C17orf75: variants seen among roughly 807,000 people sequenced by gnomAD.
The protein encoded by C17orf75 is protein Njmu-R1.
A neutral mutation model predicts 49.6 loss-of-function variants in C17orf75; 32 were observed. That is an observed-to-expected ratio of 0.65 (90% CI 0.49 to 0.87). The LOEUF (loss-of-function observed/expected upper bound fraction) is 0.87. Among genes scored for constraint, C17orf75 ranks in the 40% least tolerant of loss-of-function variants. C17orf75 has a pLI of 0.00. For synonymous variants in C17orf75, 158 were observed against 159.5 expected, an observed-to-expected ratio of 0.99 and a Z score of 0.07; for missense variants, 428 against 473.9, an observed-to-expected ratio of 0.90 and a Z score of 0.90.
rs2041261851 is a variant in C17orf75 at position 32,330,041 on chromosome 17, C to A, written c.*1722G>T. 1 of 152,194 alleles carries A rather than the reference C, an allele frequency of 6.6e-6. No individual in the cohort carries two copies. Among genetic ancestry groups the A allele is most frequent in the Non-Finnish European group, 1.5e-5 (1 of 68,048 alleles). 9.4% of individuals were successfully genotyped at this position (152,194 alleles called of 1,614,324 possible). ...TAATTTTAGTAGAGACAGGGTTTCA[C>A]CATATTGGTCAGGCTGGTCTGGAAC... On this transcript the variant is annotated 3_prime_UTR_variant, in exon 10 of 10. Coordinates refer to ENST00000577809, the MANE Select transcript of C17orf75 (RefSeq NM_022344.4).
chr17:32,341,842 A>G, intron 1 of C17orf75, 158 bp downstream of exon 1: 4 of 1,072,192 alleles, frequency 3.7e-6, no homozygotes, highest in Non-Finnish European at 4.5e-6. Context: ...GGAGGCGAGG[A>G]GCGCCCTTCA....
At chr17:32,343,317 T>C (rs1442259075), upstream of C17orf75, among the ~76,000 whole-genome samples, 1 of 150,716 alleles carries the variant, frequency 6.6e-6, no homozygotes, top group Non-Finnish European at 1.5e-5. Flanking sequence ...TTTTTTTTTT[T>C]ATTTTTAGTA....
At chr17:32,342,234 C>A, upstream of C17orf75, 1 of 1,383,416 alleles carries the variant, frequency 7.2e-7, no homozygotes, top group South Asian at 1.6e-5. Flanking sequence ...TCCCGGCCCT[C>A]GCACACCTGC....
At chr17:32,337,420 G>A (rs779153984) in intron 5 of C17orf75, among the ~76,000 whole-genome samples, 40 of 151,712 alleles carry the variant, frequency 2.6e-4, no homozygotes, top group African/African-American at 8.5e-4. Flanking sequence ...GCCTGATCGC[G>A]CCACTGCCCT....
chr17:32,330,396 TCA>T lies in C17orf75; in HGVS notation c.*1365_*1366del, dbSNP rs1189015036. ...TTAGATCCATTTAAGAGAGGATTCC[TCA>T]GTTTTATGGGTTTGTGCTCCTCTGA... On this transcript the variant is annotated 3_prime_UTR_variant, in exon 10 of 10. Coordinates refer to ENST00000577809, the MANE Select transcript of C17orf75 (RefSeq NM_022344.4). 2 of 152,240 alleles carry T rather than the reference TCA, an allele frequency of 1.3e-5. No individual in the cohort carries two copies. The highest frequency in any genetic ancestry group is 4.8e-5 in the African/African-American group (2 of 41,464). 9.4% of individuals were successfully genotyped at this position (152,240 alleles called of 1,614,324 possible).
chr17:32,334,061 T>C (rs1199238601), intron 8 of C17orf75, among the ~76,000 whole-genome samples: 1 of 152,260 alleles, frequency 6.6e-6, no homozygotes, highest in African/African-American at 2.4e-5. Flanking sequence ...CTAAATAGTA[T>C]GTTTGAGAGC....
At chr17:32,345,262 G>A (rs1231356523), upstream of C17orf75, among the ~76,000 whole-genome samples, 1 of 151,902 alleles carries the variant, frequency 6.6e-6, no homozygotes, top group African/African-American at 2.4e-5. Context: ...CGGATCACAA[G>A]GTCAGGAGTT....
chr17:32,338,419 C>T, intron 3 of C17orf75, 68 bp from the exon 4 acceptor site: 6 of 1,451,956 alleles, frequency 4.1e-6, no homozygotes, highest in Non-Finnish European at 5.6e-6. Flanking sequence ...TTGTGGACTG[C>T]TCTGAATTCT....
intron 5 of C17orf75, among the ~76,000 whole-genome samples, chr17:32,337,275 A>G (rs1010156377): frequency 2.0e-5 from 3 of 152,186 alleles, no homozygotes; most frequent in African/African-American, 7.2e-5. Context: ...AGCCTGGGCA[A>G]CAAAGTGAGA....
At chr17:32,333,576 T>C (rs2041297117) in intron 8 of C17orf75, 56 bp from the exon 9 acceptor site, 9 of 1,462,260 alleles carry the variant, frequency 6.2e-6, no homozygotes, top group South Asian at 4.8e-5. Context: ...GCTTTATTTA[T>C]TTATTTATTT....
At chr17:32,340,404 G>T (rs1034358081) in intron 2 of C17orf75, among the ~76,000 whole-genome samples, 6 of 152,126 alleles carry the variant, frequency 3.9e-5, no homozygotes, top group Admixed American at 3.9e-4. Flanking sequence ...ACTTTGGGAG[G>T]CCGAGGCAGG....
chr17:32,338,952 A>T (rs2150777511), intron 3 of C17orf75, among the ~76,000 whole-genome samples: 1 of 152,174 alleles, frequency 6.6e-6, no homozygotes, highest in East Asian at 1.9e-4. Context: ...TTAGCCGGGT[A>T]TGGTGGTGCA....
At chr17:32,346,815 C>T (rs138238493), upstream of C17orf75, among the ~76,000 whole-genome samples, 209 of 152,072 alleles carry the variant, frequency 1.4e-3, 1 homozygote, top group Non-Finnish European at 2.7e-3. Flanking sequence ...TCAGGTGATC[C>T]GCCTGCCTAA....
intron 1 of C17orf75, among the ~76,000 whole-genome samples, chr17:32,347,879 CA>C (rs2150782056): frequency 6.6e-6 from 1 of 152,132 alleles, no homozygotes; most frequent in African/African-American, 2.4e-5. Flanking sequence ...TTTCATTTTT[CA>C]ATTTATTTTT....
At chr17:32,333,948 C>T (rs1345979550) in intron 8 of C17orf75, among the ~76,000 whole-genome samples, 1 of 152,140 alleles carries the variant, frequency 6.6e-6, no homozygotes, top group Non-Finnish European at 1.5e-5. Context: ...TTCCCACAGA[C>T]GTCTTTAAAC....
intron 2 of C17orf75, chr17:32,340,984 G>C (rs2041374378): frequency 3.5e-6 from 2 of 565,842 alleles, no homozygotes; most frequent in Middle Eastern, 2.8e-4. Flanking sequence ...TTTCTTTTTG[G>C]CTAATCACCA....
chr17:32,337,955 G>A lies in C17orf75; in HGVS notation c.492-1C>T, dbSNP rs1252753531. The A allele has an allele frequency of 6.2e-7, 1 of 1,600,256 alleles. No homozygotes were observed. The highest frequency in any genetic ancestry group is 8.5e-7 in the Non-Finnish European group (1 of 1,172,288). On this transcript the variant is annotated splice_acceptor_variant, in intron 4 of 9. Transcript: ENST00000577809. LOFTEE classifies it high-confidence loss of function. Reference sequence around the variant, plus strand: ...GTACTTGTCCAATTCAAGCCTGAAAGTATGTTCTTAAGGAAGCAATAAAGG... The same window carrying A: ...GTACTTGTCCAATTCAAGCCTGAAAATATGTTCTTAAGGAAGCAATAAAGG...
Position 32,331,754 on chromosome 17 carries a change from A to C in C17orf75, c.*9T>G. On this transcript the variant is annotated 3_prime_UTR_variant, in exon 10 of 10. Coordinates refer to ENST00000577809, the MANE Select transcript of C17orf75 (RefSeq NM_022344.4). ...CAACTTGATCATACAATTATCTCAAAACATATGATCAAAAACTTTGGTCAA... is the reference window on the plus strand; with the variant it reads ...CAACTTGATCATACAATTATCTCAACACATATGATCAAAAACTTTGGTCAA... The C allele has an allele frequency of 1.3e-6, 2 of 1,597,402 alleles. No homozygotes were observed. Among genetic ancestry groups the C allele is most frequent in the Non-Finnish European group, 1.7e-6 (2 of 1,164,948 alleles).
chr17:32,334,792 T>C lies in C17orf75; in HGVS notation c.717A>G (p.Thr239=). 1 of 1,607,354 alleles carries C rather than the reference T, an allele frequency of 6.2e-7. No homozygotes were observed. The highest frequency in any genetic ancestry group is 8.5e-7 in the Non-Finnish European group (1 of 1,176,310). The change falls in exon 7 of 10, where the codon ACA becomes ACG. Residue 239 remains threonine, a synonymous_variant. Coordinates refer to ENST00000577809, the MANE Select transcript of C17orf75 (RefSeq NM_022344.4). ...TTCTTTACCTGTTAATGTCTCTCTT[T>C]GTTTTTTCATCTGATTCTTTAACTT... is the stretch of plus-strand genomic sequence containing the variant. The part of the protein sequence containing the change: ...PVEVKESDEK[T]KRDINRFLSV...
Sources: allele counts gnomAD v4.1 joint callset (sites outside exome capture counted in the v4.1 genomes callset), GRCh38; gene constraint gnomAD v4.1.1; transcripts MANE v1.5; gene names NCBI Gene and HGNC (gene_info 2026-07-23, HGNC 2026-07-21).